PLPPR1: variants seen among roughly 807,000 people sequenced by gnomAD.
PLPPR1 encodes the protein phospholipid phosphatase related 1, also known as phospholipid phosphatase-related protein type 1.
In PLPPR1, 10 loss-of-function variants were observed where a neutral mutation model predicts 33.1. That is an observed-to-expected ratio of 0.30 (90% CI 0.19 to 0.51). The LOEUF is 0.51. Among genes scored for constraint, PLPPR1 ranks in the 20% least tolerant of loss-of-function variants. The probability of loss-of-function intolerance (pLI) is 0.97; values close to 1 mark genes in which losing one functional copy is unlikely to be tolerated. For synonymous variants in PLPPR1, 151 were observed against 151.0 expected, an observed-to-expected ratio of 1.00 and a Z score of 0.00; for missense variants, 304 against 408.1, an observed-to-expected ratio of 0.74 and a Z score of 2.20.
At chr9:101,202,022 T>C (rs1022240754) in intron 2 of PLPPR1, among the ~76,000 whole-genome samples, 2 of 152,322 alleles carry the variant, frequency 1.3e-5, no homozygotes, top group East Asian at 3.9e-4. Context: ...GTTTTGACTC[T>C]CTTCAAACAC....
intron 2 of PLPPR1, among the ~76,000 whole-genome samples, chr9:101,211,289 A>G (rs746613530): frequency 5.3e-5 from 8 of 152,204 alleles, no homozygotes; most frequent in African/African-American, 9.6e-5. Flanking sequence ...AACATTTCAT[A>G]CACACCATCA....
intron 2 of PLPPR1, among the ~76,000 whole-genome samples, chr9:101,206,989 C>T (rs534044762): frequency 6.6e-6 from 1 of 152,220 alleles, no homozygotes; most frequent in East Asian, 1.9e-4. Flanking sequence ...CCCCTTTCCA[C>T]CCTAGGTTTG....
chr9:101,035,907 T>C (rs546295841), intron 1 of PLPPR1, among the ~76,000 whole-genome samples: 89 of 152,230 alleles, frequency 5.8e-4, no homozygotes, highest in African/African-American at 2.1e-3. Context: ...CTTACTGTAG[T>C]TAAGTGATAT....
At chr9:101,173,352 T>G (rs1230040422) in intron 1 of PLPPR1, among the ~76,000 whole-genome samples, 3 of 152,178 alleles carry the variant, frequency 2.0e-5, no homozygotes, top group Non-Finnish European at 4.4e-5. Context: ...TTACATATTT[T>G]TCATTTGGTT....
At chr9:101,202,489 A>G (rs1826512865) in intron 2 of PLPPR1, among the ~76,000 whole-genome samples, 1 of 152,130 alleles carries the variant, frequency 6.6e-6, no homozygotes, top group South Asian at 2.1e-4. Flanking sequence ...CATATCCCTC[A>G]AGGCTTGCTA....
At chr9:101,256,167 A>G (rs923121639) in intron 2 of PLPPR1, among the ~76,000 whole-genome samples, 1 of 152,180 alleles carries the variant, frequency 6.6e-6, no homozygotes, top group Non-Finnish European at 1.5e-5. Context: ...CCTTTAACCC[A>G]ACTGTTTGAA....
chr9:101,154,612 G>A (rs971521056), intron 1 of PLPPR1, among the ~76,000 whole-genome samples: 3 of 152,068 alleles, frequency 2.0e-5, no homozygotes, highest in Non-Finnish European at 4.4e-5. Context: ...CCATTACTGG[G>A]TATATACTCA....
chr9:101,294,067 A>G (rs1186684027), intron 4 of PLPPR1, among the ~76,000 whole-genome samples: 2 of 152,210 alleles, frequency 1.3e-5, no homozygotes, highest in Admixed American at 6.5e-5. Context: ...CAAGACTAAT[A>G]AAGAAGAAAA....
chr9:101,113,952 AG>A (rs1163473224), intron 1 of PLPPR1, among the ~76,000 whole-genome samples: 1 of 152,214 alleles, frequency 6.6e-6, no homozygotes, highest in Non-Finnish European at 1.5e-5. Context: ...GGAACCTGGA[AG>A]GGGACTTCTT....
intron 1 of PLPPR1, among the ~76,000 whole-genome samples, chr9:101,056,679 G>A (rs1830282047): frequency 6.6e-6 from 1 of 152,158 alleles, no homozygotes; most frequent in Non-Finnish European, 1.5e-5. Flanking sequence ...ATGTACTAGA[G>A]CAAATTAGAA....
chr9:101,286,016 T>A, intron 3 of PLPPR1, 88 bp from the exon 4 acceptor site: 1 of 1,039,492 alleles, frequency 9.6e-7, no homozygotes, highest in Non-Finnish European at 1.4e-6. Context: ...TTGTGGGTCC[T>A]CAACAGTTTT....
intron 3 of PLPPR1, among the ~76,000 whole-genome samples, chr9:101,281,239 T>C (rs1828298224): frequency 6.6e-6 from 1 of 151,934 alleles, no homozygotes; most frequent in African/African-American, 2.4e-5. Context: ...ACAATGAAAC[T>C]ATAAAATACT....
intron 1 of PLPPR1, among the ~76,000 whole-genome samples, chr9:101,047,485 C>A (rs190955449): frequency 1.4e-4 from 22 of 152,310 alleles, no homozygotes; most frequent in Admixed American, 4.6e-4. Context: ...GGATATTTGT[C>A]TTCTATACCT....
At chr9:101,161,679 TTAAAA>T (rs1831774864) in intron 1 of PLPPR1, among the ~76,000 whole-genome samples, 1 of 152,136 alleles carries the variant, frequency 6.6e-6, no homozygotes, top group Admixed American at 6.6e-5. Flanking sequence ...AATCTTTTTA[TTAAAA>T]TAAAGACAAA....
chr9:101,101,370 T>A (rs923791945), intron 1 of PLPPR1, among the ~76,000 whole-genome samples: 1 of 152,104 alleles, frequency 6.6e-6, no homozygotes, highest in Non-Finnish European at 1.5e-5. Flanking sequence ...GGAAATGTGG[T>A]CCTGTCCTGA....
At chr9:101,067,665 A>C (rs1486808712) in intron 1 of PLPPR1, among the ~76,000 whole-genome samples, 1 of 152,064 alleles carries the variant, frequency 6.6e-6, no homozygotes. Context: ...GCAGATAAAA[A>C]GTCTTCCCTG....
chr9:101,243,646 T>C (rs1207905416), intron 2 of PLPPR1, among the ~76,000 whole-genome samples: 2 of 152,002 alleles, frequency 1.3e-5, no homozygotes, highest in East Asian at 3.9e-4. Context: ...TTGGAAAATC[T>C]TGACTATAAG....
intron 1 of PLPPR1, among the ~76,000 whole-genome samples, chr9:101,128,236 A>C (rs1003424191): frequency 1.3e-5 from 2 of 152,242 alleles, no homozygotes; most frequent in Non-Finnish European, 2.9e-5. Context: ...AACACAAACC[A>C]GAACATTCAG....
intron 1 of PLPPR1, among the ~76,000 whole-genome samples, chr9:101,096,595 A>G (rs1830821371): frequency 6.6e-6 from 1 of 152,212 alleles, no homozygotes; most frequent in African/African-American, 2.4e-5. Flanking sequence ...TAACATATGT[A>G]ACATTTAAAT....
Sources: gnomAD v4.1 joint callset for allele counts (sites outside exome capture counted in the v4.1 genomes callset) on GRCh38, gnomAD v4.1.1 for gene constraint, MANE v1.5 for transcripts, NCBI Gene and HGNC (gene_info 2026-07-23, HGNC 2026-07-21) for gene names.